EHBP1: variants seen among roughly 807,000 people sequenced by gnomAD.
EHBP1 encodes EH domain binding protein 1, also known as EH domain-binding protein 1.
Under a neutral mutation model 144.0 loss-of-function variants are expected in EHBP1, and 55 were observed. The ratio of observed to expected loss-of-function variants is 0.38; its 90% CI spans 0.31 to 0.48. EHBP1 has a LOEUF of 0.48. Ranked by LOEUF, EHBP1 falls within the 20% of genes least tolerant of loss-of-function variation. The probability of loss-of-function intolerance (pLI) is 0.98; values close to 1 mark genes in which losing one functional copy is unlikely to be tolerated. For missense variants in EHBP1, 1,200 were observed against 1,364.2 expected, an observed-to-expected ratio of 0.88 and a Z score of 1.90; for synonymous variants, 469 against 472.7, an observed-to-expected ratio of 0.99 and a Z score of 0.10.
chr2:62,997,116 A>T (rs924772471), intron 19 of EHBP1, among the ~76,000 whole-genome samples: 2 of 152,158 alleles, frequency 1.3e-5, no homozygotes, highest in Admixed American at 1.3e-4. Context: ...TTGGCCAGCT[A>T]AAGCCATGTA....
At position 63,019,728 on chromosome 2, in the gene EHBP1, G is replaced by A. The variant is rs186287442; in HGVS notation, c.3104-17807G>A. Among the ~76,000 whole-genome samples the A allele has an allele frequency of 4.7e-3, 680 of 146,198 alleles. 1 individual carries two copies. The highest frequency in any genetic ancestry group is 7.1e-3 in the Non-Finnish European group (467 of 66,196). ...TCTCAAAAAAAGAAAAAGAAAGAAA[G>A]GGAAGGGAAGAGGAGGGGAGGGAAG... On this transcript the variant is annotated intron_variant, in intron 19 of 22. Transcript: ENST00000431489.
intron 10 of EHBP1, among the ~76,000 whole-genome samples, chr2:62,911,701 A>G (rs978713444): frequency 2.6e-5 from 4 of 152,194 alleles, no homozygotes; most frequent in African/African-American, 4.8e-5. Context: ...ACTTCAGGTG[A>G]TCTGCCCACC....
intron 5 of EHBP1, among the ~76,000 whole-genome samples, chr2:62,799,503 C>T (rs960578795): frequency 1.3e-5 from 2 of 152,168 alleles, no homozygotes; most frequent in African/African-American, 4.8e-5. Flanking sequence ...TGCCTACCTT[C>T]CTGCTCTTAG....
chr2:63,033,864 C>A (rs1046966849), intron 19 of EHBP1, among the ~76,000 whole-genome samples: 1 of 152,044 alleles, frequency 6.6e-6, no homozygotes, highest in Non-Finnish European at 1.5e-5. Flanking sequence ...GCATCATATG[C>A]TTCTATCAAG....
Position 62,764,349 on chromosome 2 carries a change from A to T in EHBP1, c.246A>T (p.Val82=). The change falls in exon 4 of 23, where the codon GTA becomes GTT. Residue 82 remains valine, a synonymous_variant. Transcript: ENST00000431489. ...WPVPENIEIT[V]TLFKDPHAEE... ...TTCCTGAAAACATTGAAATCACTGT[A>T]ACACTTTTTAAGGTAAGTTCCATTT... 6.3e-7 allele frequency: 1 copy of T among 1,575,410 alleles called. No individual in the cohort carries two copies. The highest frequency in any genetic ancestry group is 8.6e-7 in the Non-Finnish European group (1 of 1,165,270).
At chr2:63,013,215 A>G (rs1253171205) in intron 19 of EHBP1, among the ~76,000 whole-genome samples, 1 of 152,240 alleles carries the variant, frequency 6.6e-6, no homozygotes, top group Non-Finnish European at 1.5e-5. Context: ...AAGAGCAGAA[A>G]GTAAATTAAT....
chr2:62,974,993 C>G (rs1400683463), intron 14 of EHBP1, among the ~76,000 whole-genome samples: 2 of 152,134 alleles, frequency 1.3e-5, no homozygotes, highest in Non-Finnish European at 2.9e-5. Flanking sequence ...GCACAGTGGG[C>G]ATGCTTTGTC....
chr2:62,883,602 A>G (rs574099168), intron 10 of EHBP1, among the ~76,000 whole-genome samples: 1 of 152,302 alleles, frequency 6.6e-6, no homozygotes, highest in East Asian at 1.9e-4. Flanking sequence ...AGTCCCAGCT[A>G]CTCATATTGA....
intron 7 of EHBP1, among the ~76,000 whole-genome samples, chr2:62,846,645 T>A (rs1191477056): frequency 6.6e-6 from 1 of 152,112 alleles, no homozygotes; most frequent in Non-Finnish European, 1.5e-5. Context: ...ACTCACAGGA[T>A]ATAAGATCAA....
chr2:62,970,237 A>C (rs2058434691), intron 14 of EHBP1, among the ~76,000 whole-genome samples: 1 of 152,140 alleles, frequency 6.6e-6, no homozygotes, highest in African/African-American at 2.4e-5. Flanking sequence ...GAACACTGTT[A>C]AATATTAGCA....
In EHBP1 at chr2:62,798,002, T is replaced by C. The variant is rs145930880; in HGVS notation, c.312+26610T>C. 9.2e-5 allele frequency among the ~76,000 whole-genome samples: 14 copies of C among 152,246 alleles called. No individual in the cohort carries two copies. In the East Asian group the frequency reaches 2.7e-3, roughly 29 times the overall value. On this transcript the variant is annotated intron_variant, in intron 5 of 22. Coordinates refer to ENST00000431489, the MANE Select transcript of EHBP1 (RefSeq NM_001142616.3). ...AGTGAAAATAGATCATTTTTTAAAA[T>C]AAGGCATATCTGGAATATATGGAAA...
intron 5 of EHBP1, among the ~76,000 whole-genome samples, chr2:62,792,498 G>A (rs141183429): frequency 6.8e-4 from 103 of 152,146 alleles, no homozygotes; most frequent in African/African-American, 2.4e-3. Flanking sequence ...TCTGCACTTA[G>A]AAGAATGCTT....
chr2:62,724,935 A>T (rs1473600774), intron 2 of EHBP1, among the ~76,000 whole-genome samples: 1 of 152,152 alleles, frequency 6.6e-6, no homozygotes, highest in African/African-American at 2.4e-5. Flanking sequence ...GTGTAGAAAA[A>T]TTGTCTTCCA....
intron 1 of EHBP1, among the ~76,000 whole-genome samples, chr2:62,700,044 C>T (rs181442681): frequency 1.3e-5 from 2 of 152,268 alleles, no homozygotes; most frequent in East Asian, 3.9e-4. Context: ...AATATTCGTT[C>T]ATGGGTAACT....
chr2:62,720,046 G>A (rs2036070580), intron 2 of EHBP1, among the ~76,000 whole-genome samples: 1 of 152,122 alleles, frequency 6.6e-6, no homozygotes, highest in African/African-American at 2.4e-5. Context: ...AGGAAACTAG[G>A]GAGGCAGTGT....
At chr2:62,748,840 T>A (rs555183554) in intron 3 of EHBP1, among the ~76,000 whole-genome samples, 3 of 152,154 alleles carry the variant, frequency 2.0e-5, no homozygotes, top group African/African-American at 7.2e-5. Context: ...GGGCCTCTTT[T>A]CAAGTCTTTT....
chr2:62,919,516 A>T (rs1411165914), intron 10 of EHBP1, among the ~76,000 whole-genome samples: 1 of 152,246 alleles, frequency 6.6e-6, no homozygotes, highest in Non-Finnish European at 1.5e-5. Context: ...CAAACAAATA[A>T]CAGGTGGGGA....
At chr2:62,791,277 G>GA (rs1371411268) in intron 5 of EHBP1, among the ~76,000 whole-genome samples, 2 of 151,756 alleles carry the variant, frequency 1.3e-5, no homozygotes, top group Admixed American at 1.3e-4. Context: ...ATTTTTTAAA[G>GA]AAAAAAACCA....
intron 3 of EHBP1, among the ~76,000 whole-genome samples, chr2:62,750,873 G>A (rs557972068): frequency 5.2e-4 from 79 of 152,298 alleles, no homozygotes; most frequent in Admixed American, 9.2e-4. Context: ...TTAGCTTAAG[G>A]AGATTTTGGG....
Sources: allele counts gnomAD v4.1 joint callset (sites outside exome capture counted in the v4.1 genomes callset), GRCh38; gene constraint gnomAD v4.1.1; transcripts MANE v1.5; gene names NCBI Gene and HGNC (gene_info 2026-07-23, HGNC 2026-07-21).